The following NOL4 variants were observed in gnomAD, a reference collection of about 807,000 sequenced individuals.
The protein encoded by NOL4 is nucleolar protein 4.
A neutral mutation model predicts 75.9 loss-of-function variants in NOL4; 17 were observed. The ratio of observed to expected loss-of-function variants is 0.22; its 90% confidence interval spans 0.15 to 0.34. The LOEUF is 0.34. Ranked by LOEUF, NOL4 falls within the 10% of genes least tolerant of loss-of-function variation. The probability of loss-of-function intolerance (pLI) is 1.00; values close to 1 mark genes in which losing one functional copy is unlikely to be tolerated. For synonymous variants in NOL4, 292 were observed against 289.9 expected (o/e 1.01, Z -0.07); for missense variants, 614 against 793.5 (o/e 0.77, Z 2.72).
At chr18:33,964,509 A>AAAGG (rs150494514) in intron 6 of NOL4, among the ~76,000 whole-genome samples, 33 of 151,962 alleles carry the variant, frequency 2.2e-4, no homozygotes, top group Non-Finnish European at 3.2e-4. Flanking sequence ...GAAAGAAAAG[A>AAAGG]AAGGAAGGAA....
chr18:34,120,168 C>G (rs2080073161), intron 2 of NOL4, among the ~76,000 whole-genome samples: 1 of 151,994 alleles, frequency 6.6e-6, no homozygotes, highest in Admixed American at 6.6e-5. Context: ...ATTGTTATGT[C>G]AGGAAAATCT....
chr18:33,889,568 G>A (rs1438288536), intron 9 of NOL4, among the ~76,000 whole-genome samples: 2 of 152,010 alleles, frequency 1.3e-5, no homozygotes, highest in Non-Finnish European at 2.9e-5. Context: ...ACCAAAGCCT[G>A]GTAGAGACAC....
intron 1 of NOL4, among the ~76,000 whole-genome samples, chr18:34,214,030 C>T (rs2036699390): frequency 6.6e-6 from 1 of 152,112 alleles, no homozygotes; most frequent in Admixed American, 6.5e-5. Flanking sequence ...TGTGAATGTA[C>T]TAATAACTAA....
At chr18:33,989,427 C>T (rs946102239) in intron 6 of NOL4, among the ~76,000 whole-genome samples, 2 of 151,852 alleles carry the variant, frequency 1.3e-5, no homozygotes, top group Non-Finnish European at 2.9e-5. Flanking sequence ...AGAAACCAAG[C>T]CAAGAGATAA....
At chr18:33,884,264 A>ATG (rs746887373) in intron 9 of NOL4, among the ~76,000 whole-genome samples, 6 of 151,422 alleles carry the variant, frequency 4.0e-5, no homozygotes, top group South Asian at 2.1e-4. Flanking sequence ...TCCTCTGTGT[A>ATG]TGTGTGTGTG....
At chr18:34,181,948 A>G (rs554639839) in intron 1 of NOL4, among the ~76,000 whole-genome samples, 2 of 151,712 alleles carry the variant, frequency 1.3e-5, no homozygotes, top group African/African-American at 2.4e-5. Context: ...GGAACCTCAT[A>G]ACGTTGCTCT....
intron 6 of NOL4, among the ~76,000 whole-genome samples, chr18:33,990,514 G>A (rs553811692): frequency 2.0e-5 from 3 of 151,826 alleles, no homozygotes; most frequent in African/African-American, 7.3e-5. Context: ...GCAGTTTGTC[G>A]ATTTATACTG....
rs1276440988 is a variant in NOL4 at position 33,882,818 on chromosome 18, A to C, written c.1723+426T>G. Among the ~76,000 whole-genome samples, 1,362 of 150,962 alleles carry C rather than the reference A, an allele frequency of 9.0e-3. 22 individuals carry two copies. The highest frequency in any genetic ancestry group is 0.031 in the African/African-American group (1,266 of 40,310). ...ATTGGAACCAACCCAAATGTCCAACAATGATAGACTGGATTAAGAAAATGT... is the reference window on the plus strand; with the variant it reads ...ATTGGAACCAACCCAAATGTCCAACCATGATAGACTGGATTAAGAAAATGT... On this transcript the variant is annotated intron_variant, in intron 10 of 10. Coordinates refer to ENST00000261592, the MANE Select transcript of NOL4 (RefSeq NM_003787.5).
rs555024837 is a variant in NOL4, at chr18:34,186,016, A to G, written c.264+36974T>C. Among the ~76,000 whole-genome samples the G allele has an allele frequency of 4.6e-5, 7 of 152,288 alleles. No individual in the cohort carries two copies. The South Asian group carries it at 1.4e-3, about 32-fold the overall frequency. On this transcript the variant is annotated intron_variant, in intron 1 of 10. Transcript: ENST00000261592. ...TAAAACTAGGCTTTATAACTTCAGG[A>G]GAAGTCATCAAGCTTGTTGTGGTAA...
chr18:33,909,011 C>G (rs888334632), intron 9 of NOL4, among the ~76,000 whole-genome samples: 1 of 152,020 alleles, frequency 6.6e-6, no homozygotes, highest in Non-Finnish European at 1.5e-5. Flanking sequence ...TGGCATATTT[C>G]TTCAGACATT....
chr18:34,203,403 T>C (rs2035874467), intron 1 of NOL4, among the ~76,000 whole-genome samples: 1 of 151,782 alleles, frequency 6.6e-6, no homozygotes, highest in Non-Finnish European at 1.5e-5. Context: ...ACAATGAAAT[T>C]GTATAGAAAT....
At chr18:34,126,562 C>A (rs2080399181) in intron 2 of NOL4, among the ~76,000 whole-genome samples, 1 of 152,070 alleles carries the variant, frequency 6.6e-6, no homozygotes, top group Non-Finnish European at 1.5e-5. Flanking sequence ...TTACATGTAG[C>A]AAGAAAGAGC....
rs141423142 is a variant in NOL4, at chr18:34,067,146, C to T, written c.772+26319G>A. Among the ~76,000 whole-genome samples, 26 of 151,954 alleles carry T rather than the reference C, an allele frequency of 1.7e-4. No homozygotes were observed. The East Asian group carries it at 4.6e-3, about 27-fold the overall frequency. ...AAATGGAGGTGGTGTACAGGATTTG[C>T]GATTTAAAGAAAGCAATCATAGAAG... On this transcript the variant is annotated intron_variant, in intron 5 of 10. Transcript: ENST00000261592.
At chr18:34,148,734 G>C (rs2081516372) in intron 1 of NOL4, among the ~76,000 whole-genome samples, 1 of 151,890 alleles carries the variant, frequency 6.6e-6, no homozygotes, top group South Asian at 2.1e-4. Context: ...AGGTCTGCTT[G>C]GTCTAGAGCT....
At chr18:34,141,942 G>C (rs766377341) in intron 1 of NOL4, among the ~76,000 whole-genome samples, 1 of 151,998 alleles carries the variant, frequency 6.6e-6, no homozygotes, top group Non-Finnish European at 1.5e-5. Context: ...ATCTGACAAA[G>C]GGCTAATATC....
At position 34,164,748 on chromosome 18, in the gene NOL4, C is replaced by A. The variant is rs535923981; in HGVS notation, c.265-34728G>T. ...CAGCCATCCCATTACTGGGTATATA[C>A]CCAAAGGACTATAAATCATGCTGCT... On this transcript the variant is annotated intron_variant, in intron 1 of 10. Coordinates refer to ENST00000261592, the MANE Select transcript of NOL4 (RefSeq NM_003787.5). Among the ~76,000 whole-genome samples, 104 of 151,984 alleles carry A rather than the reference C, an allele frequency of 6.8e-4. 2 individuals are homozygous for A. The East Asian group carries it at 0.017, about 24-fold the overall frequency.
intron 5 of NOL4, among the ~76,000 whole-genome samples, chr18:34,091,515 A>G (rs2078523577): frequency 6.6e-6 from 1 of 152,118 alleles, no homozygotes; most frequent in East Asian, 1.9e-4. Flanking sequence ...GCTCTTCCAG[A>G]CACTGAACCT....
intron 9 of NOL4, among the ~76,000 whole-genome samples, chr18:33,885,937 G>GGACATC (rs2064616569): frequency 6.6e-6 from 1 of 152,138 alleles, no homozygotes; most frequent in Non-Finnish European, 1.5e-5. Flanking sequence ...ATCAAAGGAT[G>GGACATC]AATGAATACA....
At chr18:34,118,523 A>C (rs2079970819) in intron 2 of NOL4, among the ~76,000 whole-genome samples, 1 of 152,214 alleles carries the variant, frequency 6.6e-6, no homozygotes, top group African/African-American at 2.4e-5. Flanking sequence ...AACATATAGA[A>C]CACCAAACTC....
Sources: allele counts gnomAD v4.1 joint callset (sites outside exome capture counted in the v4.1 genomes callset), GRCh38; gene constraint gnomAD v4.1.1; transcripts MANE v1.5; gene names NCBI Gene and HGNC (gene_info 2026-07-23, HGNC 2026-07-21).